Variants in CHRDL1 observed in about 807,000 individuals in gnomAD.
CHRDL1 encodes chordin like 1, also known as chordin-like protein 1.
CHRDL1 carries 19 observed loss-of-function variants against 40.9 expected under a neutral mutation model. The observed-to-expected ratio is 0.46, with a 90% CI of 0.32 to 0.68. The LOEUF is 0.68. Among genes scored for constraint, CHRDL1 ranks in the 30% least tolerant of loss-of-function variants. The pLI is 0.03. For missense variants in CHRDL1, 329 were observed against 352.1 expected, an observed-to-expected ratio of 0.93 and a Z score of 0.53; for synonymous variants, 136 against 123.4, an observed-to-expected ratio of 1.10 and a Z score of -0.68.
intron 1 of CHRDL1, 87 bp downstream of exon 1, chrX:110,795,657 A>T (rs1353930922): frequency 8.9e-6 from 1 of 111,947 alleles, no homozygotes; most frequent in Non-Finnish European, 1.9e-5. Flanking sequence ...ACTTCCAGGG[A>T]CGGCTCCGGC....
At chrX:110,771,906 A>G (rs1402040618) in intron 2 of CHRDL1, among the ~76,000 whole-genome samples, 1 of 111,872 alleles carries the variant, frequency 8.9e-6, no homozygotes, top group African/African-American at 3.2e-5. Flanking sequence ...TACATAGAAA[A>G]TCTATAAGAA....
At chrX:110,685,097 A>T (rs777470619) in intron 9 of CHRDL1, among the ~76,000 whole-genome samples, 1 of 112,404 alleles carries the variant, frequency 8.9e-6, no homozygotes, top group East Asian at 2.8e-4. Flanking sequence ...ATACAAAAGT[A>T]ACACATATTT....
chrX:110,746,295 A>C lies in CHRDL1; in HGVS notation c.301+13366T>G, dbSNP rs566961607. ...GATTAGCAGAAGGTAGGAACCAAACAGGAGTAAGGCAGCCTAATCAACACA... is the reference window on the plus strand; with the variant it reads ...GATTAGCAGAAGGTAGGAACCAAACCGGAGTAAGGCAGCCTAATCAACACA... On this transcript the variant is annotated intron_variant, in intron 4 of 11. Transcript: ENST00000372042. 4.8e-4 allele frequency among the ~76,000 whole-genome samples: 53 copies of C among 111,222 alleles called. 2 individuals carry two copies. The highest frequency in any genetic ancestry group is 1.5e-3 in the African/African-American group (45 of 30,645).
chrX:110,737,075 T>G (rs1006541111), intron 4 of CHRDL1, among the ~76,000 whole-genome samples: 1 of 112,098 alleles, frequency 8.9e-6, no homozygotes, highest in Non-Finnish European at 1.9e-5. Context: ...GTAATGGCTT[T>G]TCCGAAGTTA....
At chrX:110,714,022 G>C (rs1485087567) in intron 6 of CHRDL1, among the ~76,000 whole-genome samples, 7 of 109,691 alleles carry the variant, frequency 6.4e-5, no homozygotes, top group Non-Finnish European at 1.3e-4. Flanking sequence ...GAATGTGGCA[G>C]TAGTATAATC....
rs747987703 is a variant in CHRDL1, at chrX:110,730,209, C to T, written c.302-8679G>A. 1.8e-4 allele frequency among the ~76,000 whole-genome samples: 20 copies of T among 112,073 alleles called. No homozygotes were observed. In the Admixed American group the frequency reaches 1.8e-3, roughly 10 times the overall value. ...TGTAATGACAAGGTTTGTTTTTACC[C>T]CTGTGCAGTCTTTCACAGCCCTGTA... On this transcript the variant is annotated intron_variant, in intron 4 of 11. Transcript: ENST00000372042.
chrX:110,751,402 G>T (rs2089355859), intron 4 of CHRDL1, among the ~76,000 whole-genome samples: 1 of 111,944 alleles, frequency 8.9e-6, no homozygotes, highest in Non-Finnish European at 1.9e-5. Flanking sequence ...TCCAAAAAAT[G>T]GGTATTATGG....
intron 7 of CHRDL1, among the ~76,000 whole-genome samples, chrX:110,696,292 T>C (rs1326593413): frequency 9.0e-6 from 1 of 111,300 alleles, no homozygotes; most frequent in Non-Finnish European, 1.9e-5. Flanking sequence ...CTGGGACATA[T>C]AATAATGGTA....
chrX:110,681,590 G>A lies in CHRDL1; in HGVS notation c.1048C>T (p.Pro350Ser). Residue 350 changes from proline to serine, a missense_variant, in exon 10 of 12, where the codon CCT becomes TCT. By Grantham distance (74) the Pro-to-Ser change is moderately conservative. Transcript: ENST00000372042. ...KGYFCGEETM[P>S]VYESVFMEDG... ...TCCATGAATACAGACTCATACACAG[G>A]CATCGTTTCTTCCCCGCAGAAGTAG... 2 of 1,205,270 alleles carry A rather than the reference G, an allele frequency of 1.7e-6. No homozygotes were observed. The highest frequency in any genetic ancestry group is 2.2e-6 in the Non-Finnish European group (2 of 889,800).
chrX:110,733,931 CAAAAAAAAAAA>C lies in CHRDL1; in HGVS notation c.302-12412_302-12402del, dbSNP rs1172760631. Among the ~76,000 whole-genome samples, 4 of 12,126 alleles carry C rather than the reference CAAAAAAAAAAA, an allele frequency of 3.3e-4. No homozygotes were observed. In the East Asian group the frequency reaches 0.012, roughly 36 times the overall value. The allele number at this position is 12,126 out of a possible 115,157, so 10.5% of individuals were successfully genotyped here. A position where few individuals can be genotyped will look rare whatever the true frequency, so the allele number is the denominator to read the frequency against. ...GGGCAACAAGAGCAAAACTCTGTCTCAAAAAAAAAAAAAAAAAAAAAAAAAAGGAACAGAGC... is the reference window on the plus strand; with the variant it reads ...GGGCAACAAGAGCAAAACTCTGTCTCAAAAAAAAAAAAAAAGGAACAGAGC... On this transcript the variant is annotated intron_variant, in intron 4 of 11. Coordinates refer to ENST00000372042, the MANE Select transcript of CHRDL1 (RefSeq NM_001143981.2).
At chrX:110,696,355 C>A (rs1475698325) in intron 7 of CHRDL1, among the ~76,000 whole-genome samples, 1 of 110,709 alleles carries the variant, frequency 9.0e-6, no homozygotes, top group Non-Finnish European at 1.9e-5. Flanking sequence ...GATCACAGGC[C>A]CTATTGTAGA....
chrX:110,770,556 CAGAA>C (rs1306708452), intron 2 of CHRDL1, among the ~76,000 whole-genome samples: 3 of 110,556 alleles, frequency 2.7e-5, no homozygotes, highest in Non-Finnish European at 3.8e-5. Flanking sequence ...AAATTGAAGA[CAGAA>C]AGTCAATAAG....
intron 4 of CHRDL1, among the ~76,000 whole-genome samples, chrX:110,757,073 GA>G (rs2089468027): frequency 9.0e-6 from 1 of 111,397 alleles, no homozygotes; most frequent in Non-Finnish European, 1.9e-5. Flanking sequence ...TCATGAATTG[GA>G]GAACAGAGTT....
chrX:110,694,203 A>T lies in CHRDL1; in HGVS notation c.738T>A (p.Ile246=). Residue 246 remains isoleucine, a synonymous_variant, in exon 8 of 12, where the codon ATT becomes ATA. Coordinates refer to ENST00000372042, the MANE Select transcript of CHRDL1 (RefSeq NM_001143981.2). ...GTTTGTTATTGATGACAATTTGCAC[A>T]ATGGTTCCTGATGCTTGCTGGGAAT... ...LMDSQQASGT[I]VQIVINNKHK... 1 of 1,210,717 alleles carries T rather than the reference A, an allele frequency of 8.3e-7. No homozygotes were observed. Among genetic ancestry groups the T allele is most frequent in the Non-Finnish European group, 1.1e-6 (1 of 894,548 alleles).
chrX:110,757,276 C>T lies in CHRDL1; in HGVS notation c.301+2385G>A, dbSNP rs181015953. Among the ~76,000 whole-genome samples, 630 of 110,139 alleles carry T rather than the reference C, an allele frequency of 5.7e-3. 2 individuals are homozygous for T. The highest frequency in any genetic ancestry group is 7.6e-3 in the Non-Finnish European group (398 of 52,643). ...TAAAAATTGAAGAGAAATTTGACTC[C>T]TTTGGCTGAAAAAATCATGTGCTGA... On this transcript the variant is annotated intron_variant, in intron 4 of 11. Coordinates refer to ENST00000372042, the MANE Select transcript of CHRDL1 (RefSeq NM_001143981.2).
chrX:110,739,833 T>C (rs1416938232), intron 4 of CHRDL1, among the ~76,000 whole-genome samples: 1 of 112,647 alleles, frequency 8.9e-6, no homozygotes, highest in African/African-American at 3.2e-5. Flanking sequence ...CTGCTCTCCA[T>C]AGCACTAAGG....
Position 110,705,255 on chromosome X carries a change from A to C in CHRDL1, c.542-4534T>G, listed in dbSNP as rs1475262421. Among the ~76,000 whole-genome samples, 3 of 99,251 alleles carry C rather than the reference A, an allele frequency of 3.0e-5. No individual in the cohort carries two copies. In the East Asian group the frequency reaches 9.4e-4, roughly 31 times the overall value. The allele number at this position is 99,251 out of a possible 115,157, so 86.2% of individuals were successfully genotyped here. A position where few individuals can be genotyped will look rare whatever the true frequency, so the allele number is the denominator to read the frequency against. Reference sequence around the variant, plus strand: ...AGACAAGAATGCATACCTAAATTTCAGCACTTCATTAAAAAGTAATGGAGA... The same window carrying C: ...AGACAAGAATGCATACCTAAATTTCCGCACTTCATTAAAAAGTAATGGAGA... On this transcript the variant is annotated intron_variant, in intron 6 of 11. Coordinates refer to ENST00000372042, the MANE Select transcript of CHRDL1 (RefSeq NM_001143981.2).
chrX:110,693,085 G>T lies in CHRDL1; in HGVS notation c.778+1078C>A, dbSNP rs188947452. 3.7e-5 allele frequency among the ~76,000 whole-genome samples: 4 copies of T among 109,299 alleles called. No individual in the cohort carries two copies. In the East Asian group the frequency reaches 1.2e-3, roughly 32 times the overall value. 94.9% of individuals were successfully genotyped at this position (109,299 alleles called of 115,157 possible). On this transcript the variant is annotated intron_variant, in intron 8 of 11. Transcript: ENST00000372042. ...GCTCCAACGAGCTGGTTGACAGGAG[G>T]CCTAAAAAAGTAAGAAGCAGTCAAT...
Position 110,795,522 on chromosome X carries a change from T to C in CHRDL1, c.-35+222A>G, listed in dbSNP as rs771264957. Among the ~76,000 whole-genome samples, 3 of 109,568 alleles carry C rather than the reference T, an allele frequency of 2.7e-5. No homozygotes were observed. The South Asian group carries it at 1.2e-3, about 44-fold the overall frequency. On this transcript the variant is annotated intron_variant, in intron 1 of 11. Coordinates refer to ENST00000372042, the MANE Select transcript of CHRDL1 (RefSeq NM_001143981.2). ...CGAGTGGGGAGGGACGAGCTGTGAG[T>C]TCGAATTCAGAGACCCCCAACTTGC...
Sources: gnomAD v4.1 joint callset for allele counts (sites outside exome capture counted in the v4.1 genomes callset) on GRCh38, gnomAD v4.1.1 for gene constraint, MANE v1.5 for transcripts, NCBI Gene and HGNC (gene_info 2026-07-23, HGNC 2026-07-21) for gene names.